Variants in ARHGAP24 observed in about 807,000 individuals in gnomAD.
ARHGAP24 encodes Rho GTPase activating protein 24.
In ARHGAP24, 50 loss-of-function variants were observed where a neutral mutation model predicts 76.4. That is an observed-to-expected ratio of 0.65 (90% confidence interval 0.52 to 0.83). ARHGAP24 has a LOEUF of 0.83. ARHGAP24 is among the 40% of genes least tolerant of loss of function. The pLI, the probability that ARHGAP24 is intolerant of heterozygous loss-of-function variation, is 0.00. For missense variants in ARHGAP24, 930 were observed against 914.2 expected (o/e 1.02, Z -0.22); for synonymous variants, 345 against 323.3 (o/e 1.07, Z -0.72).
chr4:85,681,017 G>C (rs1407595438), intron 2 of ARHGAP24, among the ~76,000 whole-genome samples: 1 of 152,040 alleles, frequency 6.6e-6, no homozygotes, highest in Non-Finnish European at 1.5e-5. Context: ...ATCCAGAAAT[G>C]TGTCTTGAGG....
intron 3 of ARHGAP24, among the ~76,000 whole-genome samples, chr4:85,753,611 A>G (rs1306798551): frequency 6.6e-6 from 1 of 152,220 alleles, no homozygotes; most frequent in African/African-American, 2.4e-5. Flanking sequence ...GTCTTTACGC[A>G]CTGGTTAATG....
At chr4:85,649,410 G>A (rs960239182) in intron 2 of ARHGAP24, among the ~76,000 whole-genome samples, 1 of 152,044 alleles carries the variant, frequency 6.6e-6, no homozygotes, top group African/African-American at 2.4e-5. Flanking sequence ...ATATTTAAAT[G>A]AAATTCTCAC....
intron 3 of ARHGAP24, among the ~76,000 whole-genome samples, chr4:85,852,500 G>A (rs537946319): frequency 4.1e-4 from 62 of 152,292 alleles, no homozygotes; most frequent in Admixed American, 7.8e-4. Flanking sequence ...TGCTGGCGAG[G>A]AGCTGTGATC....
At chr4:85,555,984 A>G (rs904051350) in intron 1 of ARHGAP24, among the ~76,000 whole-genome samples, 1 of 152,190 alleles carries the variant, frequency 6.6e-6, no homozygotes, top group Non-Finnish European at 1.5e-5. Context: ...CAGCAAGGAC[A>G]GTACCACTGC....
At chr4:85,768,010 G>A (rs1726992374) in intron 3 of ARHGAP24, among the ~76,000 whole-genome samples, 1 of 152,176 alleles carries the variant, frequency 6.6e-6, no homozygotes, top group Non-Finnish European at 1.5e-5. Context: ...TTTTACCAAG[G>A]TGGGAAAGGT....
At chr4:85,863,454 G>T (rs1732017159) in intron 3 of ARHGAP24, among the ~76,000 whole-genome samples, 1 of 152,058 alleles carries the variant, frequency 6.6e-6, no homozygotes, top group African/African-American at 2.4e-5. Context: ...ACACTGGAAT[G>T]TAAGCTCAGT....
chr4:85,619,807 T>C (rs1349115195), intron 2 of ARHGAP24, among the ~76,000 whole-genome samples: 1 of 151,994 alleles, frequency 6.6e-6, no homozygotes, highest in Non-Finnish European at 1.5e-5. Context: ...TTTTGTATCC[T>C]GCAACTTACG....
intron 3 of ARHGAP24, among the ~76,000 whole-genome samples, chr4:85,831,304 G>C (rs17011041): frequency 0.093 from 14,118 of 152,096 alleles, 689 homozygotes; most frequent in Middle Eastern, 0.14. Context: ...CAACTTCCAA[G>C]TATTTCTAAT....
At chr4:85,866,521 C>A (rs1732210720) in intron 3 of ARHGAP24, among the ~76,000 whole-genome samples, 1 of 152,076 alleles carries the variant, frequency 6.6e-6, no homozygotes, top group Non-Finnish European at 1.5e-5. Context: ...GTGCAGAGAT[C>A]TTTTGCTGCT....
chr4:85,994,999 A>G lies in ARHGAP24; in HGVS notation c.1345A>G (p.Thr449Ala). ...CAGTAATGCAGAAGGTCTTGAGAAAACCCAAACCACCCCCAATGGGAGCCT... is the reference window on the plus strand; with the variant it reads ...CAGTAATGCAGAAGGTCTTGAGAAAGCCCAAACCACCCCCAATGGGAGCCT... ...SSSNAEGLEK[T>A]QTTPNGSLQA... is the part of the protein sequence containing the mutation. The change falls in exon 9 of 10, where the codon ACC becomes GCC. Residue 449 changes from threonine (T) to alanine (A), a missense_variant. Physicochemically the swap from Thr to Ala is moderately conservative, Grantham distance 58. Coordinates refer to ENST00000395184, the MANE Select transcript of ARHGAP24 (RefSeq NM_001025616.3). 1 of 1,613,734 alleles carries G rather than the reference A, an allele frequency of 6.2e-7. No homozygotes were observed. Among genetic ancestry groups the G allele is most frequent in the Non-Finnish European group, 8.5e-7 (1 of 1,179,946 alleles).
At chr4:85,575,360 C>T (rs1454006207) in intron 2 of ARHGAP24, among the ~76,000 whole-genome samples, 2 of 152,106 alleles carry the variant, frequency 1.3e-5, no homozygotes, top group African/African-American at 4.8e-5. Context: ...CTACTATAAA[C>T]ATTTTATAGT....
chr4:85,975,965 G>A (rs940777345), intron 7 of ARHGAP24, among the ~76,000 whole-genome samples: 20 of 152,100 alleles, frequency 1.3e-4, no homozygotes, highest in Non-Finnish European at 2.5e-4. Flanking sequence ...TTGGGTTCCA[G>A]AATTTGAAAA....
chr4:85,638,151 G>C (rs1205360048), intron 2 of ARHGAP24, among the ~76,000 whole-genome samples: 1 of 152,132 alleles, frequency 6.6e-6, no homozygotes, highest in African/African-American at 2.4e-5. Flanking sequence ...GTTCATGACT[G>C]TACGTCAGCC....
At chr4:85,975,460 A>T (rs1030958565) in intron 7 of ARHGAP24, 3 of 152,730 alleles carry the variant, frequency 2.0e-5, no homozygotes, top group African/African-American at 7.2e-5. Context: ...CATTCAATAA[A>T]TGTTATTTTC....
intron 3 of ARHGAP24, among the ~76,000 whole-genome samples, chr4:85,900,896 A>T (rs987106460): frequency 6.6e-6 from 1 of 152,188 alleles, no homozygotes; most frequent in African/African-American, 2.4e-5. Context: ...GCAGAAAAGG[A>T]TGGGTTCTTT....
At chr4:85,899,210 A>G (rs959444883) in intron 3 of ARHGAP24, among the ~76,000 whole-genome samples, 1 of 152,234 alleles carries the variant, frequency 6.6e-6, no homozygotes, top group Non-Finnish European at 1.5e-5. Flanking sequence ...TAAAGAAAAA[A>G]TATTTGAAGG....
chr4:85,770,126 T>C (rs1266942433), intron 3 of ARHGAP24, among the ~76,000 whole-genome samples: 1 of 152,218 alleles, frequency 6.6e-6, no homozygotes, highest in Non-Finnish European at 1.5e-5. Context: ...TTTGTGTGTC[T>C]AGGAACTTGT....
intron 3 of ARHGAP24, among the ~76,000 whole-genome samples, chr4:85,734,275 GTGTTT>G (rs967374656): frequency 5.7e-4 from 87 of 152,254 alleles, no homozygotes; most frequent in African/African-American, 2.0e-3. Flanking sequence ...TTTACTCTTA[GTGTTT>G]TGTTTTGTTT....
chr4:85,487,832 CAT>C, intron 1 of ARHGAP24, among the ~76,000 whole-genome samples: 1 of 113,274 alleles, frequency 8.8e-6, no homozygotes, highest in South Asian at 2.4e-4. Flanking sequence ...ATATTTATTA[CAT>C]ATTATATAAA....
Sources: allele counts gnomAD v4.1 joint callset (sites outside exome capture counted in the v4.1 genomes callset), GRCh38; gene constraint gnomAD v4.1.1; transcripts MANE v1.5; gene names NCBI Gene and HGNC (gene_info 2026-07-23, HGNC 2026-07-21).